Variants in BACH2 observed in about 807,000 individuals in gnomAD.
BACH2 encodes BACH transcriptional regulator 2, also known as transcription regulator protein BACH2.
BACH2 carries 5 observed loss-of-function variants against 61.8 expected under a neutral mutation model. That is an observed-to-expected ratio of 0.08 (90% CI 0.04 to 0.17). The LOEUF is 0.17. BACH2 is among the 10% of genes least tolerant of loss of function. The pLI, the probability that BACH2 is intolerant of heterozygous loss-of-function variation, is 1.00. For synonymous variants in BACH2, 446 were observed against 440.1 expected (o/e 1.01, Z -0.17); for missense variants, 824 against 1,091.1 (o/e 0.76, Z 3.45).
At position 89,959,962 on chromosome 6, in the gene BACH2, C is replaced by G. The variant is rs143554962; in HGVS notation, c.244-8100G>C. 9.3e-3 allele frequency among the ~76,000 whole-genome samples: 1,418 copies of G among 152,198 alleles called. 10 individuals carry two copies. The highest frequency in any genetic ancestry group is 0.014 in the Admixed American group (212 of 15,296). On this transcript the variant is annotated intron_variant, in intron 6 of 8. Transcript: ENST00000257749. ...TCTGTCTCTTGCTCTGTTTATCTTT[C>G]CTTTCTTGGCGGTGTGTTCTGGAAG... is the stretch of plus-strand genomic sequence containing the variant.
chr6:90,054,848 T>C (rs1027529736), intron 5 of BACH2, among the ~76,000 whole-genome samples: 8 of 152,294 alleles, frequency 5.3e-5, no homozygotes, highest in South Asian at 2.1e-4. Flanking sequence ...CCGCTGCTGA[T>C]ACCCAGGCAA....
chr6:90,248,930 T>C (rs1770718540), intron 3 of BACH2, among the ~76,000 whole-genome samples: 1 of 152,340 alleles, frequency 6.6e-6, no homozygotes, highest in African/African-American at 2.4e-5. Flanking sequence ...TAAAAACCTA[T>C]GTAGGTATAG....
At chr6:90,229,838 T>C (rs1394677458) in intron 3 of BACH2, among the ~76,000 whole-genome samples, 1 of 152,152 alleles carries the variant, frequency 6.6e-6, no homozygotes, top group African/African-American at 2.4e-5. Context: ...AACAACTGAA[T>C]TGTTGCCCAT....
rs1177131174 is a variant in BACH2 at position 90,056,767 on chromosome 6, A to T, written c.-13+32194T>A. On this transcript the variant is annotated intron_variant, in intron 5 of 8. Coordinates refer to ENST00000257749, the MANE Select transcript of BACH2 (RefSeq NM_021813.4). ...TGTAGAAGAACAGAAATTATAACAA[A>T]CTGTCTCTCAGACCACAGTGCAATC... Among the ~76,000 whole-genome samples, 3 of 152,222 alleles carry T rather than the reference A, an allele frequency of 2.0e-5. No homozygotes were observed. The East Asian group carries it at 5.8e-4, about 29-fold the overall frequency.
In BACH2 at chr6:89,951,869, A is replaced by C; in HGVS notation, c.244-7T>G. Reference sequence around the variant, plus strand: ...CAAAGCCCCTGGCTGTGACCTGCAAAACAAACAGGGAAATCGCCAACATTA... The same window carrying C: ...CAAAGCCCCTGGCTGTGACCTGCAACACAAACAGGGAAATCGCCAACATTA... On this transcript the variant is annotated splice_polypyrimidine_tract_variant and splice_region_variant and intron_variant, in intron 6 of 8. Transcript: ENST00000257749. The surrounding 1 kb of genome is among the most constrained non-coding windows in gnomAD (Gnocchi z 6.4). The C allele has an allele frequency of 6.2e-7, 1 of 1,605,866 alleles. No individual in the cohort carries two copies. Among genetic ancestry groups the C allele is most frequent in the Non-Finnish European group, 8.5e-7 (1 of 1,173,582 alleles).
At chr6:89,976,821 C>T (rs918848190) in intron 6 of BACH2, among the ~76,000 whole-genome samples, 7 of 152,172 alleles carry the variant, frequency 4.6e-5, no homozygotes, top group African/African-American at 1.7e-4. Flanking sequence ...TGTCCAGATA[C>T]CTCGTTGGCT....
intron 4 of BACH2, among the ~76,000 whole-genome samples, chr6:90,171,331 T>G (rs1331526197): frequency 6.6e-6 from 1 of 151,898 alleles, no homozygotes; most frequent in Non-Finnish European, 1.5e-5. Context: ...GAGAATCGCT[T>G]GAACCCAGGA....
chr6:90,205,490 A>C (rs1442302606), intron 4 of BACH2, among the ~76,000 whole-genome samples: 1 of 152,142 alleles, frequency 6.6e-6, no homozygotes, highest in African/African-American at 2.4e-5. Flanking sequence ...TGGTTGTCAC[A>C]ATTAGAGTGA....
chr6:90,263,504 A>G (rs1339662632), intron 2 of BACH2, among the ~76,000 whole-genome samples: 3 of 152,218 alleles, frequency 2.0e-5, no homozygotes, highest in African/African-American at 7.2e-5. Flanking sequence ...ATGTTCTATA[A>G]GCTATTGGTA....
At chr6:90,002,274 A>G (rs1050521883) in intron 6 of BACH2, among the ~76,000 whole-genome samples, 2 of 152,144 alleles carry the variant, frequency 1.3e-5, no homozygotes, top group Non-Finnish European at 2.9e-5. Context: ...CCAAGGCTCA[A>G]TCCTGGGACT....
chr6:90,003,741 A>G (rs900879301), intron 6 of BACH2, among the ~76,000 whole-genome samples: 1 of 152,186 alleles, frequency 6.6e-6, no homozygotes, highest in African/African-American at 2.4e-5. Flanking sequence ...ATCCTAGTTT[A>G]AAAAAATCTG....
chr6:90,077,837 G>C (rs1781541240), intron 5 of BACH2, among the ~76,000 whole-genome samples: 3 of 152,098 alleles, frequency 2.0e-5, no homozygotes, highest in African/African-American at 7.2e-5. Context: ...CAGCATTCTA[G>C]GAAAGTCCTG....
At chr6:89,980,832 A>C (rs1775909266) in intron 6 of BACH2, among the ~76,000 whole-genome samples, 1 of 150,934 alleles carries the variant, frequency 6.6e-6, no homozygotes, top group Non-Finnish European at 1.5e-5. Context: ...TAGCATATTT[A>C]CCATTTTAAC....
intron 7 of BACH2, among the ~76,000 whole-genome samples, chr6:89,949,798 T>C (rs1004344961): frequency 6.6e-6 from 1 of 151,988 alleles, no homozygotes; most frequent in African/African-American, 2.4e-5. Flanking sequence ...ACAAGGAAAA[T>C]CTAAAAGGTG....
At chr6:90,257,375 C>G (rs1192674138) in intron 2 of BACH2, among the ~76,000 whole-genome samples, 1 of 152,204 alleles carries the variant, frequency 6.6e-6, no homozygotes, top group Non-Finnish European at 1.5e-5. Flanking sequence ...CACATCCTCA[C>G]CAACATTTGT....
At chr6:89,986,706 G>T (rs1413993781) in intron 6 of BACH2, among the ~76,000 whole-genome samples, 1 of 152,110 alleles carries the variant, frequency 6.6e-6, no homozygotes, top group African/African-American at 2.4e-5. Context: ...TTGTATACTT[G>T]ATCTTTCTGA....
intron 5 of BACH2, among the ~76,000 whole-genome samples, chr6:90,033,353 A>T (rs1051980819): frequency 1.4e-4 from 18 of 130,342 alleles, no homozygotes; most frequent in Non-Finnish European, 2.6e-4. Context: ...AACTTAAATA[A>T]AAAAAAAAAA....
chr6:89,983,764 T>C (rs1250136589), intron 6 of BACH2, among the ~76,000 whole-genome samples: 1 of 152,186 alleles, frequency 6.6e-6, no homozygotes, highest in African/African-American at 2.4e-5. Context: ...ATTTCCATCA[T>C]CACAGAAAAG....
chr6:90,221,688 C>T (rs541485228), intron 3 of BACH2, among the ~76,000 whole-genome samples: 1 of 152,060 alleles, frequency 6.6e-6, no homozygotes, highest in East Asian at 1.9e-4. Context: ...CGTGACATCA[C>T]CAGCAAGGGA....
Sources: gnomAD v4.1 joint callset for allele counts (sites outside exome capture counted in the v4.1 genomes callset) on GRCh38, gnomAD v4.1.1 for gene constraint, Gnocchi (gnomAD v3.1) non-coding constraint, MANE v1.5 for transcripts, NCBI Gene and HGNC (gene_info 2026-07-23, HGNC 2026-07-21) for gene names.